APC: variants seen among roughly 807,000 people sequenced by gnomAD.
APC encodes adenomatous polyposis coli protein.
In APC, 72 loss-of-function variants were observed where a neutral mutation model predicts 247.0. The ratio of observed to expected loss-of-function variants is 0.29; its 90% CI spans 0.24 to 0.35. APC has a LOEUF of 0.35. APC is among the 10% of genes least tolerant of loss of function. The probability of loss-of-function intolerance (pLI) is 1.00; values close to 1 mark genes in which losing one functional copy is unlikely to be tolerated. For missense variants in APC, 3,400 were observed against 3,360.7 expected, an observed-to-expected ratio of 1.01 and a Z score of -0.29; for synonymous variants, 1,254 against 1,162.5, an observed-to-expected ratio of 1.08 and a Z score of -1.60.
At chr5:112,762,380 A>T (rs114294889) in intron 2 of APC, among the ~76,000 whole-genome samples, 20 of 152,318 alleles carry the variant, frequency 1.3e-4, no homozygotes, top group Non-Finnish European at 2.9e-4. Context: ...ACTAAACGGT[A>T]CAAGAATGTT....
chr5:112,827,508 T>C (rs1763824327), intron 12 of APC, among the ~76,000 whole-genome samples: 1 of 151,402 alleles, frequency 6.6e-6, no homozygotes, highest in African/African-American at 2.4e-5. Flanking sequence ...AATATACTTG[T>C]AGGGATCATT....
At chr5:112,753,134 T>A (rs1754564145) in intron 1 of APC, among the ~76,000 whole-genome samples, 1 of 152,192 alleles carries the variant, frequency 6.6e-6, no homozygotes, top group African/African-American at 2.4e-5. Flanking sequence ...GTTCACATTA[T>A]TCAAATTCTG....
intron 1 of APC, among the ~76,000 whole-genome samples, chr5:112,717,380 A>G (rs1263992014): frequency 6.6e-6 from 1 of 151,964 alleles, no homozygotes; most frequent in African/African-American, 2.4e-5. Context: ...TCATACTGCC[A>G]ATATTTTATT....
At chr5:112,798,834 A>C (rs1268785469) in intron 7 of APC, among the ~76,000 whole-genome samples, 4 of 152,202 alleles carry the variant, frequency 2.6e-5, no homozygotes, top group Non-Finnish European at 5.9e-5. Flanking sequence ...TTGGAATTCC[A>C]GCTCTGACTC....
intron 8 of APC, chr5:112,810,055 G>T (rs934723397): frequency 2.2e-6 from 1 of 445,724 alleles, no homozygotes; most frequent in African/African-American, 2.0e-5. Flanking sequence ...GATGTGAACT[G>T]CCCAAGAGAG....
intron 1 of APC, among the ~76,000 whole-genome samples, chr5:112,741,524 G>A (rs1194778410): frequency 1.3e-5 from 2 of 152,082 alleles, no homozygotes; most frequent in Non-Finnish European, 2.9e-5. Flanking sequence ...CACTCTTCTT[G>A]TGTGTTTAAT....
rs367905430 is a variant in APC, at chr5:112,842,273, G to A, written c.6679G>A (p.Gly2227Ser). The change falls in exon 16 of 16, where the codon GGC becomes AGC. Residue 2227 changes from glycine to serine, a missense_variant. Around this residue, in one of 9 missense-constraint regions of APC, gnomAD observed 1,788 missense variants for 1,649.5 expected, o/e 1.08. Transcript: ENST00000257430. ...AGCAAACATGCCTTCAATCTCTCGA[G>A]GCAGGACAATGATTCATATTCCAGG... Reference protein sequence around the residue: ...LQANMPSISRGRTMIHIPGVR... With the variant: ...LQANMPSISRSRTMIHIPGVR... 1 of 1,613,984 alleles carries A rather than the reference G, an allele frequency of 6.2e-7. No individual in the cohort carries two copies. The highest frequency in any genetic ancestry group is 8.5e-7 in the Non-Finnish European group (1 of 1,179,936).
intron 2 of APC, among the ~76,000 whole-genome samples, chr5:112,763,589 A>G (rs1389633804): frequency 2.0e-5 from 3 of 152,134 alleles, no homozygotes; most frequent in African/African-American, 7.2e-5. Context: ...AAAAAATTAG[A>G]TGTATGTCCA....
At chr5:112,782,406 T>A (rs1401240883) in intron 6 of APC, among the ~76,000 whole-genome samples, 1 of 152,144 alleles carries the variant, frequency 6.6e-6, no homozygotes, top group Non-Finnish European at 1.5e-5. Flanking sequence ...TAATGTATAT[T>A]CTATCTGTTT....
At chr5:112,737,347 A>G (rs1752459029), upstream of APC, among the ~76,000 whole-genome samples, 1 of 152,228 alleles carries the variant, frequency 6.6e-6, no homozygotes, top group African/African-American at 2.4e-5. Context: ...TCTGATCTCC[A>G]CTACTAAGCT....
At chr5:112,830,777 T>A (rs957908113) in intron 14 of APC, among the ~76,000 whole-genome samples, 1 of 151,972 alleles carries the variant, frequency 6.6e-6, no homozygotes, top group African/African-American at 2.4e-5. Context: ...TGGCCTGGGG[T>A]TGGGAGTAGA....
chr5:112,822,056 A>T (rs1763203773), intron 11 of APC, 65 bp downstream of exon 11: 2 of 1,077,684 alleles, frequency 1.9e-6, no homozygotes, highest in South Asian at 2.6e-5. Flanking sequence ...CATGGTAGAA[A>T]TTCAGTATAG....
Position 112,838,579 on chromosome 5 carries a change from C to T in APC, c.2985C>T (p.Cys995=), listed in dbSNP as rs1339472818. 7.4e-6 allele frequency: 12 copies of T among 1,614,002 alleles called. No individual in the cohort carries two copies. Among genetic ancestry groups the T allele is most frequent in the Admixed American group, 1.7e-5 (1 of 60,000 alleles). The part of the protein sequence containing the change: ...SYSEDDESKF[C]SYGQYPADLA... ...CTGAAGATGATGAAAGTAAGTTTTG[C>T]AGTTATGGTCAATACCCAGCCGACC... Residue 995 remains cysteine (C), a synonymous_variant, in exon 16 of 16, where the codon TGC becomes TGT. Transcript: ENST00000257430.
chr5:112,770,702 A>G (rs191495510), intron 4 of APC, among the ~76,000 whole-genome samples: 23 of 152,260 alleles, frequency 1.5e-4, no homozygotes, highest in Middle Eastern at 3.4e-3. Flanking sequence ...AGTTACTTCT[A>G]TAACTCTAAA....
In APC at chr5:112,759,466, T is replaced by C. The variant is rs998977370; in HGVS notation, c.135+4441T>C. Among the ~76,000 whole-genome samples, 10 of 149,902 alleles carry C rather than the reference T, an allele frequency of 6.7e-5. No homozygotes were observed. In the East Asian group the frequency reaches 8.1e-4, roughly 12 times the overall value. On this transcript the variant is annotated intron_variant, in intron 2 of 15. Coordinates refer to ENST00000257430, the MANE Select transcript of APC (RefSeq NM_000038.6). ...TCCGCCTCCCGGGTTCAAGCTAATC[T>C]CCTGCCTCAGCCTCCCGAGTAGCTG...
At chr5:112,734,796 T>TTTTGTGTGTGTG (rs1484633353), upstream of APC, among the ~76,000 whole-genome samples, 6 of 146,278 alleles carry the variant, frequency 4.1e-5, no homozygotes, top group African/African-American at 1.5e-4. Flanking sequence ...TGTGTGTGTT[T>TTTTGTGTGTGTG]TTTTTTTTTT....
chr5:112,790,352 G>T (rs1040814187), intron 6 of APC, among the ~76,000 whole-genome samples: 14 of 151,836 alleles, frequency 9.2e-5, no homozygotes, highest in African/African-American at 3.4e-4. Context: ...TTTTGAGACG[G>T]AGTCTCACTC....
chr5:112,783,830 A>G, intron 6 of APC: 1 of 361,396 alleles, frequency 2.8e-6, no homozygotes, highest in South Asian at 2.2e-5. Context: ...AGATAACCAA[A>G]TAGCAAAATA....
rs780423662 is a variant in APC at position 112,839,634 on chromosome 5, C to A, written c.4040C>A (p.Ala1347Asp). ...LQGSSLSSES[A>D]RHKAVEFSSG... ...GGTTCTAGTTTATCTTCAGAATCAG[C>A]CAGGCACAAAGCTGTTGAATTTTCT... The change falls in exon 16 of 16, where the codon GCC (alanine) becomes GAC (aspartate). Residue 1347 changes from alanine (A) to aspartate (D), a missense_variant. Ala to Asp is a moderately radical substitution (Grantham distance 126). Coordinates refer to ENST00000257430, the MANE Select transcript of APC (RefSeq NM_000038.6). This position sits in a 1 kb window ranked among gnomAD's most constrained non-coding sequence, Gnocchi z 5.0. The A allele has an allele frequency of 6.2e-7, 1 of 1,614,122 alleles. No homozygotes were observed. Among genetic ancestry groups the A allele is most frequent in the Admixed American group, 1.7e-5 (1 of 60,020 alleles).
Sources: gnomAD v4.1 joint callset for allele counts (sites outside exome capture counted in the v4.1 genomes callset) on GRCh38, gnomAD v4.1.1 for gene constraint, gnomAD v4.1.1 regional missense constraint, Gnocchi (gnomAD v3.1) non-coding constraint, MANE v1.5 for transcripts, NCBI Gene and HGNC (gene_info 2026-07-23, HGNC 2026-07-21) for gene names.